The following SMG6 variants were observed in gnomAD, a reference collection of about 807,000 sequenced individuals.
SMG6 encodes the protein telomerase-binding protein EST1A.
SMG6 carries 66 observed loss-of-function variants against 142.2 expected under a neutral mutation model. That is an observed-to-expected ratio of 0.46 (90% CI 0.38 to 0.57). The LOEUF (loss-of-function observed/expected upper bound fraction) is 0.57. Ranked by LOEUF, SMG6 falls within the 20% of genes least tolerant of loss-of-function variation. The probability of loss-of-function intolerance (pLI) is 0.00; values close to 1 mark genes in which losing one functional copy is unlikely to be tolerated. For missense variants in SMG6, 1,793 were observed against 1,832.0 expected, an observed-to-expected ratio of 0.98 and a Z score of 0.39; for synonymous variants, 779 against 702.4, an observed-to-expected ratio of 1.11 and a Z score of -1.72.
intron 8 of SMG6, among the ~76,000 whole-genome samples, chr17:2,249,359 C>T (rs1316707344): frequency 6.6e-6 from 1 of 152,180 alleles, no homozygotes; most frequent in Non-Finnish European, 1.5e-5. Flanking sequence ...GCAGTGGCAA[C>T]ATCACGGCTC....
intron 10 of SMG6, among the ~76,000 whole-genome samples, chr17:2,209,643 C>T (rs1200646882): frequency 6.6e-6 from 1 of 152,042 alleles, no homozygotes; most frequent in Non-Finnish European, 1.5e-5. Flanking sequence ...GGATTACAGG[C>T]ATGAGCCACT....
chr17:2,116,518 C>G (rs1195667623), intron 13 of SMG6, among the ~76,000 whole-genome samples: 1 of 152,054 alleles, frequency 6.6e-6, no homozygotes, highest in African/African-American at 2.4e-5. Flanking sequence ...AGTTTGAGGT[C>G]AGGAGTTCCT....
rs187470255 is a variant in SMG6 at position 2,205,699 on chromosome 17, A to G, written c.2870-17184T>C. On this transcript the variant is annotated intron_variant, in intron 10 of 18. Coordinates refer to ENST00000263073, the MANE Select transcript of SMG6 (RefSeq NM_017575.5). ...TCAGGAAAAACAACTCCTTTTTCTC[A>G]GCACTGAGTTCTAAAATAACTTTTT... Among the ~76,000 whole-genome samples the G allele has an allele frequency of 3.5e-4, 53 of 152,324 alleles. 1 individual carries two copies. Among genetic ancestry groups the G allele is most frequent in the Non-Finnish European group, 2.9e-5 (2 of 68,030 alleles).
intron 13 of SMG6, among the ~76,000 whole-genome samples, chr17:2,161,282 TTAGTAG>T (rs961563445): frequency 2.0e-5 from 3 of 151,986 alleles, no homozygotes; most frequent in African/African-American, 7.3e-5. Context: ...TTTTGTACTT[TTAGTAG>T]AGATGGGGTT....
At chr17:2,176,829 G>A (rs1375009077) in intron 12 of SMG6, among the ~76,000 whole-genome samples, 1 of 152,192 alleles carries the variant, frequency 6.6e-6, no homozygotes, top group Non-Finnish European at 1.5e-5. Flanking sequence ...TATGCACTCA[G>A]AACCAAGGCT....
chr17:2,259,917 TGTGG>T (rs1221857706), intron 8 of SMG6, among the ~76,000 whole-genome samples: 2 of 152,188 alleles, frequency 1.3e-5, no homozygotes, highest in African/African-American at 2.4e-5. Flanking sequence ...ACCACTCTGC[TGTGG>T]TTATTTGCCA....
intron 13 of SMG6, among the ~76,000 whole-genome samples, chr17:2,155,997 C>T (rs2070987191): frequency 6.6e-6 from 1 of 151,372 alleles, no homozygotes; most frequent in Non-Finnish European, 1.5e-5. Flanking sequence ...CTTGGGGACC[C>T]AGAAAACTGA....
intron 13 of SMG6, among the ~76,000 whole-genome samples, chr17:2,097,388 C>T (rs944319504): frequency 2.0e-5 from 3 of 151,956 alleles, no homozygotes; most frequent in African/African-American, 4.8e-5. Context: ...TGCTTGCCTC[C>T]GCCTCCCAAA....
chr17:2,208,250 CCA>C (rs2072747943), intron 10 of SMG6, among the ~76,000 whole-genome samples: 1 of 152,192 alleles, frequency 6.6e-6, no homozygotes, highest in South Asian at 2.1e-4. Flanking sequence ...CCCCCACTCT[CCA>C]CAGTTTACGT....
At chr17:2,195,366 AG>A (rs2072292618) in intron 10 of SMG6, among the ~76,000 whole-genome samples, 1 of 152,216 alleles carries the variant, frequency 6.6e-6, no homozygotes, top group Admixed American at 6.5e-5. Flanking sequence ...AGGGTACAAA[AG>A]GGCAAACAAA....
At chr17:2,248,783 T>C (rs1336281736) in intron 8 of SMG6, among the ~76,000 whole-genome samples, 2 of 152,212 alleles carry the variant, frequency 1.3e-5, no homozygotes. Flanking sequence ...CTAGAAGGTA[T>C]GTGACATGAA....
At chr17:2,291,513 C>T (rs1597797854) in intron 6 of SMG6, among the ~76,000 whole-genome samples, 1 of 152,074 alleles carries the variant, frequency 6.6e-6, no homozygotes, top group East Asian at 1.9e-4. Flanking sequence ...AAACCCATCA[C>T]GGAGAATGAG....
At chr17:2,155,332 G>C (rs542119420) in intron 13 of SMG6, among the ~76,000 whole-genome samples, 3 of 152,274 alleles carry the variant, frequency 2.0e-5, no homozygotes, top group African/African-American at 7.2e-5. Flanking sequence ...AAAGTGCTGG[G>C]ATTATAGGCG....
chr17:2,137,050 G>GCTAC (rs1292812753), intron 13 of SMG6, among the ~76,000 whole-genome samples: 2 of 152,188 alleles, frequency 1.3e-5, no homozygotes, highest in Non-Finnish European at 2.9e-5. Context: ...TGTAGTCCCA[G>GCTAC]CTACCTTGGA....
At chr17:2,125,333 T>C (rs1281485875) in intron 13 of SMG6, among the ~76,000 whole-genome samples, 1 of 152,088 alleles carries the variant, frequency 6.6e-6, no homozygotes, top group Non-Finnish European at 1.5e-5. Flanking sequence ...AGACCAATGA[T>C]GATTCAGATA....
At chr17:2,244,014 C>T (rs1172949836) in intron 9 of SMG6, among the ~76,000 whole-genome samples, 2 of 152,054 alleles carry the variant, frequency 1.3e-5, no homozygotes, top group African/African-American at 4.8e-5. Flanking sequence ...AGGAAGAACT[C>T]GGATCCATCC....
chr17:2,232,132 G>C (rs1241817144), intron 10 of SMG6, among the ~76,000 whole-genome samples: 2 of 151,680 alleles, frequency 1.3e-5, no homozygotes, highest in Non-Finnish European at 2.9e-5. Context: ...GGAACAAATT[G>C]GGCACAGATG....
intron 4 of SMG6, among the ~76,000 whole-genome samples, chr17:2,293,282 G>A (rs2075079308): frequency 6.6e-6 from 1 of 152,182 alleles, no homozygotes; most frequent in African/African-American, 2.4e-5. Flanking sequence ...GTAGTCAGGA[G>A]ATCTGACTCT....
intron 13 of SMG6, among the ~76,000 whole-genome samples, chr17:2,121,837 T>G (rs1193824452): frequency 6.6e-6 from 1 of 151,734 alleles, no homozygotes; most frequent in Non-Finnish European, 1.5e-5. Flanking sequence ...GGCTGGTCTT[T>G]TCTTTTCTTT....
Sources: gnomAD v4.1 joint callset for allele counts (sites outside exome capture counted in the v4.1 genomes callset) on GRCh38, gnomAD v4.1.1 for gene constraint, MANE v1.5 for transcripts, NCBI Gene and HGNC (gene_info 2026-07-23, HGNC 2026-07-21) for gene names.